Variants in FAM227A observed in about 807,000 individuals in gnomAD.
The protein encoded by FAM227A is protein FAM227A.
FAM227A carries 80 observed loss-of-function variants against 74.7 expected under a neutral mutation model. The observed-to-expected ratio is 1.07, with a 90% CI of 0.89 to 1.29. FAM227A has a LOEUF of 1.29. FAM227A is among the 50% of genes most tolerant of loss of function. The pLI is 0.00. For missense variants in FAM227A, 654 were observed against 683.4 expected (o/e 0.96, Z 0.48); for synonymous variants, 237 against 241.8 (o/e 0.98, Z 0.19).
chr22:38,615,446 C>T (rs1333708407), intron 11 of FAM227A, among the ~76,000 whole-genome samples: 2 of 152,212 alleles, frequency 1.3e-5, no homozygotes, highest in African/African-American at 4.8e-5. Flanking sequence ...TCAGGGACAG[C>T]TTCTCTAGGG....
At chr22:38,629,089 T>C (rs2091866648) in intron 6 of FAM227A, 154 bp from the exon 7 acceptor site, 2 of 570,902 alleles carry the variant, frequency 3.5e-6, no homozygotes, top group Non-Finnish European at 6.1e-6. Context: ...ACCCCTATAA[T>C]AGTCTTATGA....
intron 11 of FAM227A, among the ~76,000 whole-genome samples, chr22:38,617,402 T>A (rs958736855): frequency 5.6e-4 from 83 of 147,606 alleles, no homozygotes; most frequent in African/African-American, 2.0e-3. Flanking sequence ...TTAAAGCAAA[T>A]CTCTTGCCTC....
chr22:38,612,281 T>C (rs954444386), intron 11 of FAM227A, among the ~76,000 whole-genome samples: 3 of 152,224 alleles, frequency 2.0e-5, no homozygotes, highest in Non-Finnish European at 4.4e-5. Flanking sequence ...TATTCCTTTC[T>C]ATGATGCTTA....
chr22:38,648,850 G>A (rs1032560544), intron 2 of FAM227A, among the ~76,000 whole-genome samples: 2 of 151,132 alleles, frequency 1.3e-5, no homozygotes, highest in Admixed American at 6.6e-5. Context: ...GTGGGTGCCT[G>A]TAATCTCGGC....
Position 38,639,663 on chromosome 22 carries a change from T to A in FAM227A, c.287A>T (p.Glu96Val), listed in dbSNP as rs765096680. Residue 96 changes from glutamate (E) to valine (V), a missense_variant, in exon 4 of 17, where the codon GAA becomes GTA. By Grantham distance (121) the Glu-to-Val change is moderately radical (BLOSUM62 -2). Transcript: ENST00000535113. The stretch of plus-strand genomic sequence containing the variant: ...GAGGGAAAGGTTTTTGCCTTTGTCT[T>A]CTGGACTGCTGCGAGTTTTCTCTCT... ...ALREKTRSSP[E>V]DKVKRQRKSQ... is the part of the protein sequence containing the mutation. The A allele has an allele frequency of 2.6e-6, 4 of 1,551,948 alleles. 1 individual carries two copies. The South Asian group carries it at 4.8e-5, about 18-fold the overall frequency.
At chr22:38,644,338 C>T (rs2092184302) in intron 3 of FAM227A, among the ~76,000 whole-genome samples, 1 of 150,780 alleles carries the variant, frequency 6.6e-6, no homozygotes, top group Admixed American at 6.6e-5. Flanking sequence ...AGGTGGAGCA[C>T]AGAGGACTGT....
At chr22:38,618,766 TG>T (rs1229623579) in intron 11 of FAM227A, among the ~76,000 whole-genome samples, 2 of 152,162 alleles carry the variant, frequency 1.3e-5, no homozygotes, top group African/African-American at 4.8e-5. Flanking sequence ...AAAAGCCAGA[TG>T]ATAAATATTC....
intron 6 of FAM227A, among the ~76,000 whole-genome samples, chr22:38,632,132 C>T (rs552849964): frequency 6.6e-6 from 1 of 152,040 alleles, no homozygotes. Context: ...CTGAGGGGCA[C>T]TGAGGTTAGA....
intron 1 of FAM227A, among the ~76,000 whole-genome samples, chr22:38,652,653 G>A (rs2092339925): frequency 6.6e-6 from 1 of 150,728 alleles, no homozygotes; most frequent in Non-Finnish European, 1.5e-5. Context: ...TTGGGAAGCC[G>A]AGGCAGGTGG....
intron 11 of FAM227A, among the ~76,000 whole-genome samples, chr22:38,610,358 G>C (rs2091386024): frequency 6.6e-6 from 1 of 152,182 alleles, no homozygotes; most frequent in Admixed American, 6.5e-5. Context: ...AGGCCTCAGA[G>C]AGTTCTGCGG....
intron 11 of FAM227A, among the ~76,000 whole-genome samples, chr22:38,614,603 TGA>T (rs1326405818): frequency 1.3e-5 from 2 of 152,152 alleles, no homozygotes; most frequent in Non-Finnish European, 2.9e-5. Flanking sequence ...CTGCTCTTGA[TGA>T]GAGAGGCTCT....
chr22:38,606,120 A>G (rs1229341440), intron 12 of FAM227A, among the ~76,000 whole-genome samples: 1 of 152,164 alleles, frequency 6.6e-6, no homozygotes, highest in Non-Finnish European at 1.5e-5. Flanking sequence ...AACTAGGGAC[A>G]GCCCCTATGC....
chr22:38,587,068 T>C (rs1340185805), intron 16 of FAM227A, among the ~76,000 whole-genome samples: 8 of 152,216 alleles, frequency 5.3e-5, no homozygotes, highest in East Asian at 1.9e-4. Flanking sequence ...AAAAAATATT[T>C]TGAAATAAAA....
At chr22:38,587,233 C>T in intron 16 of FAM227A, among the ~76,000 whole-genome samples, 1 of 151,986 alleles carries the variant, frequency 6.6e-6, no homozygotes, top group Non-Finnish European at 1.5e-5. Flanking sequence ...GAAGCACAAA[C>T]TAAATCTGAA....
chr22:38,606,225 G>A (rs1230961548), intron 12 of FAM227A, among the ~76,000 whole-genome samples: 1 of 151,946 alleles, frequency 6.6e-6, no homozygotes, highest in Non-Finnish European at 1.5e-5. Context: ...TGAGTGCAGT[G>A]GCTCAATCAT....
intron 2 of FAM227A, among the ~76,000 whole-genome samples, chr22:38,649,004 G>A (rs1455054738): frequency 6.6e-6 from 1 of 151,662 alleles, no homozygotes; most frequent in African/African-American, 2.4e-5. Flanking sequence ...TGGGTTTCAT[G>A]CTCATCTGTC....
rs907212068 is a variant in FAM227A, at chr22:38,580,978, C to T, written c.*5147G>A. 3 of 152,168 alleles carry T rather than the reference C, an allele frequency of 2.0e-5. No individual in the cohort carries two copies. Among genetic ancestry groups the T allele is most frequent in the Non-Finnish European group, 4.4e-5 (3 of 68,072 alleles). 9.4% of individuals were successfully genotyped at this position (152,168 alleles called of 1,614,324 possible). On this transcript the variant is annotated 3_prime_UTR_variant, in exon 17 of 17. Coordinates refer to ENST00000535113, the MANE Select transcript of FAM227A (RefSeq NM_001013647.2). The stretch of plus-strand genomic sequence containing the variant: ...ATTTTTAGTAGAGACGGGATTTTGC[C>T]TTGTTGGCCAGGCTGGTCTCAAACT...
chr22:38,591,483 G>C lies in FAM227A; in HGVS notation c.1590C>G (p.Phe530Leu), dbSNP rs1338878047. The change falls in exon 16 of 17, where the codon TTC (phenylalanine) becomes TTG (leucine). Residue 530 changes from phenylalanine to leucine, a missense_variant. Coordinates refer to ENST00000535113, the MANE Select transcript of FAM227A (RefSeq NM_001013647.2). ...CCTCATTGACGGCTGAAGGTGGGAT[G>C]AACATGTGGTTTGCCTTTTTTGTAT... ...AADTKKANHM[F>L]IPPSAVNEES... The C allele has an allele frequency of 6.4e-7, 1 of 1,550,858 alleles. No individual in the cohort carries two copies. The highest frequency in any genetic ancestry group is 2.0e-5 in the Admixed American group (1 of 50,824).
At position 38,579,834 on chromosome 22, in the gene FAM227A, A is replaced by G. The variant is rs192058577; in HGVS notation, c.*6291T>C. 2.0e-3 allele frequency: 309 copies of G among 152,326 alleles called. 1 individual carries two copies. The highest frequency in any genetic ancestry group is 7.0e-3 in the African/African-American group (291 of 41,574). The allele number at this position is 152,326 out of a possible 1,614,324, so 9.4% of individuals were successfully genotyped here. On this transcript the variant is annotated 3_prime_UTR_variant, in exon 17 of 17. Coordinates refer to ENST00000535113, the MANE Select transcript of FAM227A (RefSeq NM_001013647.2). ...TAATTTTATATATAAAATATTTAAG[A>G]TTCAGATATCCATTTGTCTCATAAA... is the stretch of plus-strand genomic sequence containing the variant.
Sources: allele counts gnomAD v4.1 joint callset (sites outside exome capture counted in the v4.1 genomes callset), GRCh38; gene constraint gnomAD v4.1.1; transcripts MANE v1.5; gene names NCBI Gene and HGNC (gene_info 2026-07-23, HGNC 2026-07-21).